Variants in TCF20 observed in about 807,000 individuals in gnomAD.
The protein encoded by TCF20 is transcription factor 20.
In TCF20, 3 loss-of-function variants were observed where a neutral mutation model predicts 148.6. The observed-to-expected ratio is 0.02, with a 90% confidence interval of 0.01 to 0.05. The LOEUF (loss-of-function observed/expected upper bound fraction) is 0.05, where lower values mean the gene tolerates loss of function less well. TCF20 is among the 10% of genes least tolerant of loss of function. The pLI is 1.00. For synonymous variants in TCF20, 1,049 were observed against 909.5 expected, an observed-to-expected ratio of 1.15 and a Z score of -2.76; for missense variants, 2,350 against 2,429.3, an observed-to-expected ratio of 0.97 and a Z score of 0.69.
rs1196392300 is a variant in TCF20, at chr22:42,161,345, C to G, written c.*58G>C. On this transcript the variant is annotated 3_prime_UTR_variant, in exon 6 of 6. Transcript: ENST00000677622. ...TCACGAGTGTCCACCACCTTCTCAT[C>G]TCCACAGTCTCACCTGGAAGACAAG... 3 of 1,613,988 alleles carry G rather than the reference C, an allele frequency of 1.9e-6. No homozygotes were observed. Among genetic ancestry groups the G allele is most frequent in the Non-Finnish European group, 2.5e-6 (3 of 1,180,000 alleles).
chr22:42,170,500 T>TAA (rs76842215), intron 3 of TCF20, among the ~76,000 whole-genome samples: 11 of 135,240 alleles, frequency 8.1e-5, no homozygotes, highest in East Asian at 2.2e-4. Flanking sequence ...AAAACTGTCT[T>TAA]AAAAAAAAAA....
chr22:42,325,512 A>G (rs1218230112), intron 1 of TCF20, among the ~76,000 whole-genome samples: 1 of 152,174 alleles, frequency 6.6e-6, no homozygotes, highest in Non-Finnish European at 1.5e-5. Context: ...GTACTCATGC[A>G]CACGGTGGCA....
intron 2 of TCF20, among the ~76,000 whole-genome samples, chr22:42,199,366 G>C (rs1190657923): frequency 6.6e-6 from 1 of 152,074 alleles, no homozygotes; most frequent in Non-Finnish European, 1.5e-5. Flanking sequence ...TTTCACCATA[G>C]AGTCATGTGG....
chr22:42,166,410 C>T (rs545773586), intron 5 of TCF20, among the ~76,000 whole-genome samples: 1 of 152,122 alleles, frequency 6.6e-6, no homozygotes, highest in African/African-American at 2.4e-5. Context: ...GAGTTCAAGG[C>T]CAGCCTGGGC....
chr22:42,303,559 A>G (rs1427973847), intron 1 of TCF20, among the ~76,000 whole-genome samples: 1 of 152,254 alleles, frequency 6.6e-6, no homozygotes, highest in African/African-American at 2.4e-5. Context: ...AACTTGCCTG[A>G]TAAGCACATG....
intron 1 of TCF20, 109 bp from the exon 2 acceptor site, chr22:42,215,450 G>C: frequency 7.4e-7 from 1 of 1,354,998 alleles, no homozygotes; most frequent in Non-Finnish European, 9.7e-7. Context: ...AGATGAAGCT[G>C]ACTGGTTTGA....
intron 2 of TCF20, among the ~76,000 whole-genome samples, chr22:42,185,872 A>G (rs1016216090): frequency 2.0e-5 from 3 of 152,186 alleles, no homozygotes; most frequent in Non-Finnish European, 4.4e-5. Flanking sequence ...CTCTGGCACC[A>G]GCCTCTGGGA....
chr22:42,328,888 C>T lies in TCF20; in HGVS notation c.-37+14591G>A, dbSNP rs539735330. Among the ~76,000 whole-genome samples, 6 of 152,346 alleles carry T rather than the reference C, an allele frequency of 3.9e-5. 1 individual carries two copies. In the East Asian group the frequency reaches 1.2e-3, roughly 29 times the overall value. On this transcript the variant is annotated intron_variant, in intron 1 of 1. Transcript: ENST00000515426. ...TCACAGGCTGGGGCAGGACAAGCCA[C>T]AAGCATCCTGGTGCTCTCTCCAGCC...
At chr22:42,248,945 TTG>T (rs879510649) in intron 1 of TCF20, among the ~76,000 whole-genome samples, 3 of 152,136 alleles carry the variant, frequency 2.0e-5, no homozygotes, top group East Asian at 3.9e-4. Context: ...AAGCACTGTG[TTG>T]TGTGTGTGTC....
At position 42,213,315 on chromosome 22, in the gene TCF20, T is replaced by C; in HGVS notation, c.1991A>G (p.Lys664Arg). The C allele has an allele frequency of 6.2e-7, 1 of 1,614,198 alleles. No homozygotes were observed. The highest frequency in any genetic ancestry group is 2.2e-5 in the East Asian group (1 of 44,884). Residue 664 changes from lysine (K) to arginine (R), a missense_variant, in exon 2 of 6, where the codon AAA becomes AGA. Physicochemically the swap from Lys to Arg is conservative, Grantham distance 26 (BLOSUM62 2). Transcript: ENST00000677622. ...QPEPPGGGGS[K>R]GNKNGDNNSN... ...GTTGTTATCGCCATTCTTGTTTCCT[T>C]TGCTCCCTCCTCCTCCTGGAGGCTC... is the stretch of plus-strand genomic sequence containing the variant.
intron 2 of TCF20, among the ~76,000 whole-genome samples, chr22:42,197,932 T>C (rs186559190): frequency 2.6e-5 from 4 of 152,342 alleles, no homozygotes. Flanking sequence ...CATGCCTTGT[T>C]ATGACCCTTT....
intron 2 of TCF20, among the ~76,000 whole-genome samples, chr22:42,209,061 C>G (rs1030417667): frequency 1.3e-5 from 2 of 152,308 alleles, no homozygotes; most frequent in Non-Finnish European, 2.9e-5. Context: ...CCAGGAAGAA[C>G]GACTGCAAGA....
chr22:42,168,498 A>G, intron 5 of TCF20, 111 bp downstream of exon 5: 1 of 1,445,448 alleles, frequency 6.9e-7, no homozygotes, highest in South Asian at 1.3e-5. Flanking sequence ...TGGCGTTGTC[A>G]TCCACAGGAT....
At chr22:42,269,362 A>G (rs951033405) in intron 1 of TCF20, among the ~76,000 whole-genome samples, 5 of 152,182 alleles carry the variant, frequency 3.3e-5, no homozygotes, top group East Asian at 1.9e-4. Context: ...AGGTCAAACT[A>G]AAGGATTGAA....
At chr22:42,205,806 C>T (rs999812290) in intron 2 of TCF20, among the ~76,000 whole-genome samples, 1 of 152,196 alleles carries the variant, frequency 6.6e-6, no homozygotes, top group Non-Finnish European at 1.5e-5. Flanking sequence ...GAATCCCACT[C>T]AGTCGCCCAG....
intron 1 of TCF20, among the ~76,000 whole-genome samples, chr22:42,245,345 T>C (rs1262677748): frequency 6.6e-6 from 1 of 152,012 alleles, no homozygotes; most frequent in Non-Finnish European, 1.5e-5. Context: ...AGCATCCCAT[T>C]GTAGGCGTCA....
rs71184878 is a variant in TCF20 at position 42,251,492 on chromosome 22, C to CTTTTTT, written c.-37+18841_-37+18846dup. On this transcript the variant is annotated intron_variant, in intron 1 of 5. Coordinates refer to ENST00000677622, the MANE Select transcript of TCF20 (RefSeq NM_001378418.1). The stretch of plus-strand genomic sequence containing the variant: ...ACTCTGTACCTGGCCAAACAAGTGT[C>CTTTTTT]TTTTTTTTTTTTTTTTTTTTTTTTT... 1.4e-3 allele frequency among the ~76,000 whole-genome samples: 64 copies of CTTTTTT among 47,026 alleles called. 18 individuals carry two copies. Among genetic ancestry groups the CTTTTTT allele is most frequent in the African/African-American group, 3.0e-3 (33 of 11,118 alleles). The allele number at this position is 47,026 out of a possible 152,430, so 30.9% of individuals were successfully genotyped here.
chr22:42,240,624 T>G (rs1004085624), intron 1 of TCF20, among the ~76,000 whole-genome samples: 1 of 152,248 alleles, frequency 6.6e-6, no homozygotes, highest in Non-Finnish European at 1.5e-5. Context: ...CCTGGGGGCA[T>G]TTGTTGATTT....
intron 1 of TCF20, among the ~76,000 whole-genome samples, chr22:42,254,762 C>T (rs977001335): frequency 6.6e-6 from 1 of 152,056 alleles, no homozygotes; most frequent in Admixed American, 6.6e-5. Context: ...GTCAGCAGAT[C>T]GAGAATATCT....
Sources: gnomAD v4.1 joint callset for allele counts (sites outside exome capture counted in the v4.1 genomes callset) on GRCh38, gnomAD v4.1.1 for gene constraint, MANE v1.5 for transcripts, NCBI Gene and HGNC (gene_info 2026-07-23, HGNC 2026-07-21) for gene names.